The following CACNA1I variants were observed in gnomAD, a reference collection of about 807,000 sequenced individuals.
CACNA1I encodes the protein voltage-dependent T-type calcium channel subunit alpha-1I.
A neutral mutation model predicts 201.6 loss-of-function variants in CACNA1I; 74 were observed. The observed-to-expected ratio is 0.37, with a 90% CI of 0.30 to 0.45. The LOEUF (loss-of-function observed/expected upper bound fraction) is 0.45, where lower values mean the gene tolerates loss of function less well. Among genes scored for constraint, CACNA1I ranks in the 20% least tolerant of loss-of-function variants. The pLI, the probability that CACNA1I is intolerant of heterozygous loss-of-function variation, is 1.00. For missense variants in CACNA1I, 2,346 were observed against 3,138.1 expected (o/e 0.75, Z 6.03); for synonymous variants, 1,431 against 1,345.2 (o/e 1.06, Z -1.40).
At position 39,686,307 on chromosome 22, in the gene CACNA1I, G is replaced by A; in HGVS notation, c.6574G>A (p.Ala2192Thr). ...ADRSKDPPGR[A>T]PLPMGLGPLA... The stretch of plus-strand genomic sequence containing the variant: ...CCGCAGCAAGGACCCCCCCGGCCGG[G>A]CACCGCTGCCCATGGGCCTGGGCCC... Residue 2192 changes from alanine (A) to threonine (T), a missense_variant, in exon 37 of 37, where the codon GCA becomes ACA. Around this residue, in one of 13 missense-constraint regions of CACNA1I, gnomAD observed 187 missense variants for 151.0 expected, o/e 1.24. Transcript: ENST00000402142. The A allele has an allele frequency of 3.0e-6, 4 of 1,329,154 alleles. No individual in the cohort carries two copies. Among genetic ancestry groups the A allele is most frequent in the South Asian group, 3.7e-5 (2 of 54,676 alleles). The allele number at this position is 1,329,154 out of a possible 1,614,324, so 82.3% of individuals were successfully genotyped here. A position where few individuals can be genotyped will look rare whatever the true frequency, so the allele number is the denominator to read the frequency against.
At position 39,640,945 on chromosome 22, in the gene CACNA1I, C is replaced by T. The variant is rs111404878; in HGVS notation, c.819C>T (p.Gly273=). 6.0e-4 allele frequency: 970 copies of T among 1,613,974 alleles called. 5 individuals carry two copies. In the African/African-American group the frequency reaches 0.011, roughly 18 times the overall value. ...DEMPFICSLS[G]DNGIMGCHEI... ...TGCCCTTCATCTGCTCCCTGTCGGG[C>T]GACAATGGGATAATGGGCTGCCATG... The change falls in exon 6 of 37, where the codon GGC becomes GGT. Residue 273 remains glycine (G), a synonymous_variant. Transcript: ENST00000402142.
chr22:39,594,826 AC>A (rs547851973), intron 1 of CACNA1I, among the ~76,000 whole-genome samples: 109 of 151,162 alleles, frequency 7.2e-4, no homozygotes, highest in Non-Finnish European at 1.3e-3. Flanking sequence ...TTACAGTAGC[AC>A]CCCCCCTTAC....
At chr22:39,647,786 A>G in intron 8 of CACNA1I, 36 bp from the exon 9 acceptor site, 1 of 1,411,690 alleles carries the variant, frequency 7.1e-7, no homozygotes. Context: ...CGGTCCTGAG[A>G]AGGGAGAAGA....
At chr22:39,664,639 A>T (rs1569090259) in intron 20 of CACNA1I, 100 bp from the exon 21 acceptor site, 8 of 270,174 alleles carry the variant, frequency 3.0e-5, no homozygotes, top group Middle Eastern at 1.4e-3. Context: ...CCCGAAGCCG[A>T]TCAGGCCTCG....
chr22:39,635,841 A>C (rs1457661977), intron 5 of CACNA1I, among the ~76,000 whole-genome samples: 55 of 151,692 alleles, frequency 3.6e-4, no homozygotes, highest in Non-Finnish European at 1.5e-5. Context: ...GGCTCAGCCC[A>C]CCTGACACCT....
intron 5 of CACNA1I, among the ~76,000 whole-genome samples, chr22:39,637,452 G>A (rs534868227): frequency 6.6e-5 from 10 of 152,250 alleles, no homozygotes; most frequent in African/African-American, 1.7e-4. Flanking sequence ...TGTGGCGTGT[G>A]GGTTAGAAAT....
At position 39,686,587 on chromosome 22, in the gene CACNA1I, G is replaced by A; in HGVS notation, c.*182G>A. On this transcript the variant is annotated 3_prime_UTR_variant, in exon 37 of 37. Coordinates refer to ENST00000402142, the MANE Select transcript of CACNA1I (RefSeq NM_021096.4). ...AGCCAGGCCTGCGTGGCCCATGGTG[G>A]CCCTTCCAGTGCATATACATACATA... 3.6e-6 allele frequency: 1 copy of A among 281,102 alleles called. No homozygotes were observed. Among genetic ancestry groups the A allele is most frequent in the East Asian group, 5.7e-5 (1 of 17,514 alleles). 17.4% of individuals were successfully genotyped at this position (281,102 alleles called of 1,614,324 possible).
chr22:39,617,461 G>A (rs1255130797), intron 3 of CACNA1I, among the ~76,000 whole-genome samples: 2 of 151,730 alleles, frequency 1.3e-5, no homozygotes, highest in African/African-American at 2.4e-5. Flanking sequence ...GAGAAAGAGA[G>A]GCTGCGTCTG....
In CACNA1I at chr22:39,685,821, A is replaced by T. The variant is rs1337601127; in HGVS notation, c.6088A>T (p.Thr2030Ser). ...SPSSSAGSLQ[T>S]TLEDSLTLSD... ...CAGCAGCTCCGCGGGCAGCCTGCAG[A>T]CCACGCTCGAGGACAGCCTGACCCT... Residue 2030 changes from threonine (T) to serine (S), a missense_variant, in exon 37 of 37, where the codon ACC becomes TCC. By Grantham distance (58) the Thr-to-Ser change is moderately conservative. Coordinates refer to ENST00000402142, the MANE Select transcript of CACNA1I (RefSeq NM_021096.4). The surrounding 1 kb of genome is among the most constrained non-coding windows in gnomAD (Gnocchi z 5.0). The T allele has an allele frequency of 6.7e-7, 1 of 1,493,926 alleles. No individual in the cohort carries two copies. Among genetic ancestry groups the T allele is most frequent in the Admixed American group, 2.1e-5 (1 of 46,960 alleles). The allele number at this position is 1,493,926 out of a possible 1,614,324, so 92.5% of individuals were successfully genotyped here. A position where few individuals can be genotyped will look rare whatever the true frequency, so the allele number is the denominator to read the frequency against.
chr22:39,671,461 TGG>T (rs1935374352), intron 26 of CACNA1I, among the ~76,000 whole-genome samples: 10 of 152,110 alleles, frequency 6.6e-5, no homozygotes, highest in Non-Finnish European at 1.2e-4. Context: ...CTTTACTACC[TGG>T]GTATATGGAG....
At chr22:39,609,770 G>A (rs371780571) in intron 3 of CACNA1I, among the ~76,000 whole-genome samples, 2 of 152,212 alleles carry the variant, frequency 1.3e-5, no homozygotes, top group Admixed American at 1.3e-4. Context: ...GAGAGAGAAC[G>A]CCCATCATGG....
chr22:39,681,349 C>T (rs765032690), intron 34 of CACNA1I, among the ~76,000 whole-genome samples: 24 of 152,200 alleles, frequency 1.6e-4, no homozygotes, highest in Non-Finnish European at 2.9e-4. Flanking sequence ...CATCCCTGGC[C>T]GGCGGGGCTG....
chr22:39,592,227 T>C (rs1343546093), intron 1 of CACNA1I, among the ~76,000 whole-genome samples: 1 of 152,196 alleles, frequency 6.6e-6, no homozygotes, highest in Non-Finnish European at 1.5e-5. Flanking sequence ...TGTTTCTCCA[T>C]CTGTGTTCCT....
chr22:39,575,656 T>A (rs1269985448), intron 1 of CACNA1I, among the ~76,000 whole-genome samples: 1 of 152,106 alleles, frequency 6.6e-6, no homozygotes, highest in African/African-American at 2.4e-5. Context: ...CAGACATTGC[T>A]AATCGAGCCT....
Position 39,677,419 on chromosome 22 carries a change from GGTGA to G in CACNA1I, c.4933+5_4933+8del. On this transcript the variant is annotated splice_donor_variant and splice_donor_region_variant and intron_variant, in intron 30 of 36. Transcript: ENST00000402142. LOFTEE classifies it high-confidence loss of function. This position sits in a 1 kb window ranked among gnomAD's most constrained non-coding sequence, Gnocchi z 4.8. ...CGGGGTGGAGCTCTTTGGGAAGCTG[GGTGA>G]GTGACTCCCAGAGCAGGCCCGTGGT... is the stretch of plus-strand genomic sequence containing the variant. 1 of 1,568,298 alleles carries G rather than the reference GGTGA, an allele frequency of 6.4e-7. No homozygotes were observed. The highest frequency in any genetic ancestry group is 8.6e-7 in the Non-Finnish European group (1 of 1,158,640).
chr22:39,601,601 A>G (rs909101469), intron 3 of CACNA1I, among the ~76,000 whole-genome samples: 3 of 151,760 alleles, frequency 2.0e-5, no homozygotes, highest in African/African-American at 7.3e-5. Context: ...TGTGTGTGTC[A>G]GTGTATGTGT....
intron 20 of CACNA1I, 105 bp downstream of exon 20, chr22:39,664,264 T>C (rs2146454140): frequency 1.0e-6 from 1 of 958,574 alleles, no homozygotes; most frequent in Non-Finnish European, 1.6e-6. Context: ...CGGCTTCATT[T>C]CACTCGTAGC....
chr22:39,655,914 G>C (rs1032348825), intron 10 of CACNA1I, among the ~76,000 whole-genome samples: 2 of 152,262 alleles, frequency 1.3e-5, no homozygotes, highest in African/African-American at 4.8e-5. Flanking sequence ...CCTGGTAGGA[G>C]TGTGTGCGTG....
At chr22:39,620,925 T>G (rs1159282824) in intron 4 of CACNA1I, among the ~76,000 whole-genome samples, 1 of 152,068 alleles carries the variant, frequency 6.6e-6, no homozygotes, top group Non-Finnish European at 1.5e-5. Context: ...GCCTGGCTAA[T>G]TTTTGTATTT....
Sources: allele counts gnomAD v4.1 joint callset (sites outside exome capture counted in the v4.1 genomes callset), GRCh38; gene constraint gnomAD v4.1.1; regional missense constraint gnomAD v4.1.1; non-coding constraint Gnocchi (gnomAD v3.1); transcripts MANE v1.5; gene names NCBI Gene and HGNC (gene_info 2026-07-23, HGNC 2026-07-21).